PDE8B: variants seen among roughly 807,000 people sequenced by gnomAD.
PDE8B encodes the protein high affinity cAMP-specific and IBMX-insensitive 3',5'-cyclic phosphodiesterase 8B.
Under a neutral mutation model 101.3 loss-of-function variants are expected in PDE8B, and 26 were observed. The ratio of observed to expected loss-of-function variants is 0.26; its 90% CI spans 0.19 to 0.36. The LOEUF is 0.36. PDE8B is among the 10% of genes least tolerant of loss of function. PDE8B has a pLI of 1.00. For synonymous variants in PDE8B, 424 were observed against 429.3 expected (o/e 0.99, Z 0.15); for missense variants, 810 against 1,163.1 (o/e 0.70, Z 4.42).
chr5:77,426,742 T>C lies in PDE8B; in HGVS notation c.*188T>C. ...GAAAGTTATGTTCCATGAAGAAAAA[T>C]ATATGTTCTTTTGAATACTTAATGA... On this transcript the variant is annotated 3_prime_UTR_variant, in exon 22 of 22. Transcript: ENST00000264917. The C allele has an allele frequency of 3.3e-6, 2 of 613,140 alleles. No homozygotes were observed. Among genetic ancestry groups the C allele is most frequent in the South Asian group, 1.9e-5 (1 of 52,946 alleles). The allele number at this position is 613,140 out of a possible 1,614,324, so 38.0% of individuals were successfully genotyped here.
At chr5:77,097,653 A>G in the PDE8B span, among the ~76,000 whole-genome samples, 3 of 112,470 alleles carry the variant, frequency 2.7e-5, no homozygotes, top group Non-Finnish European at 5.8e-5. Context: ...GGCTATTCCA[A>G]TTGTCTATCA....
chr5:77,298,672 A>G (rs971620446), intron 1 of PDE8B, among the ~76,000 whole-genome samples: 2 of 152,202 alleles, frequency 1.3e-5, no homozygotes, highest in African/African-American at 2.4e-5. Context: ...CACCATTCCC[A>G]GGGCTGTATT....
chr5:77,276,883 T>C (rs564019549), intron 1 of PDE8B, among the ~76,000 whole-genome samples: 1 of 152,270 alleles, frequency 6.6e-6, no homozygotes, highest in African/African-American at 2.4e-5. Context: ...AAAATTTACA[T>C]TTTGGTTTTT....
chr5:77,218,527 G>A (rs1162951588), intron 1 of PDE8B, among the ~76,000 whole-genome samples: 1 of 152,198 alleles, frequency 6.6e-6, no homozygotes, highest in Non-Finnish European at 1.5e-5. Context: ...AAGTGTGGCT[G>A]GTCCTGGAAC....
At chr5:77,225,873 CA>C (rs1561374935) in intron 1 of PDE8B, among the ~76,000 whole-genome samples, 1 of 143,670 alleles carries the variant, frequency 7.0e-6, no homozygotes, top group African/African-American at 2.7e-5. Context: ...CACACACACA[CA>C]CACACACCCC....
chr5:77,414,035 C>G (rs1795057848), intron 17 of PDE8B, among the ~76,000 whole-genome samples: 1 of 152,118 alleles, frequency 6.6e-6, no homozygotes, highest in African/African-American at 2.4e-5. Context: ...TTTAAATACC[C>G]CTGGGAGAAG....
chr5:77,195,976 T>C, the PDE8B span, among the ~76,000 whole-genome samples: 21 of 152,280 alleles, frequency 1.4e-4, no homozygotes, highest in Middle Eastern at 3.4e-3. Context: ...TCAACTGTAG[T>C]TTTCAATTCA....
intron 21 of PDE8B, 31 bp from the exon 22 acceptor site, chr5:77,426,414 G>T (rs16874258): frequency 1.4e-6 from 2 of 1,445,318 alleles, no homozygotes; most frequent in South Asian, 1.1e-5. Context: ...TAAGTTCACC[G>T]GTTTCTTTTG....
chr5:77,175,493 A>G, the PDE8B span, among the ~76,000 whole-genome samples: 1 of 152,168 alleles, frequency 6.6e-6, no homozygotes, highest in Admixed American at 6.5e-5. Flanking sequence ...GCCAGTTTAA[A>G]CATCCCCTCC....
At chr5:77,313,780 T>A (rs1199813456) in intron 2 of PDE8B, among the ~76,000 whole-genome samples, 1 of 152,194 alleles carries the variant, frequency 6.6e-6, no homozygotes, top group Admixed American at 6.5e-5. Flanking sequence ...TTTAAGCCCT[T>A]TATTTATCCC....
chr5:77,374,436 C>A (rs1310063518), intron 10 of PDE8B, among the ~76,000 whole-genome samples: 1 of 151,414 alleles, frequency 6.6e-6, no homozygotes, highest in Non-Finnish European at 1.5e-5. Context: ...TTTTTATTTT[C>A]TTTTATATAG....
chr5:77,290,233 A>G (rs1293098153), intron 1 of PDE8B: 15 of 1,546,820 alleles, frequency 9.7e-6, no homozygotes, highest in Non-Finnish European at 1.3e-5. Context: ...AAGACCAGCA[A>G]GCTCCTTGGA....
the PDE8B span, among the ~76,000 whole-genome samples, chr5:77,135,455 A>C: frequency 1.3e-5 from 2 of 151,890 alleles, no homozygotes; most frequent in Non-Finnish European, 2.9e-5. Context: ...GAGGGACTCA[A>C]GACTTTCAGC....
chr5:77,316,480 C>A (rs1383373535), intron 2 of PDE8B, among the ~76,000 whole-genome samples: 1 of 152,180 alleles, frequency 6.6e-6, no homozygotes, highest in Non-Finnish European at 1.5e-5. Context: ...GATTTGCCTA[C>A]CTTGGCCTCC....
At chr5:77,196,270 T>C in the PDE8B span, among the ~76,000 whole-genome samples, 1 of 152,200 alleles carries the variant, frequency 6.6e-6, no homozygotes, top group Admixed American at 6.5e-5. Flanking sequence ...ACAAAAACTT[T>C]TTAATTTTGA....
intron 16 of PDE8B, among the ~76,000 whole-genome samples, 176 bp from the exon 17 acceptor site, chr5:77,412,935 T>G (rs1419234181): frequency 1.3e-5 from 2 of 151,962 alleles, no homozygotes; most frequent in African/African-American, 4.8e-5. Context: ...TCCAAAGAGG[T>G]GACTGGTGAG....
At chr5:77,360,061 A>G (rs1049867257) in intron 10 of PDE8B, among the ~76,000 whole-genome samples, 4 of 151,728 alleles carry the variant, frequency 2.6e-5, no homozygotes, top group Non-Finnish European at 5.9e-5. Flanking sequence ...GCTGCACTCC[A>G]GCCTGGGTGA....
chr5:77,302,807 C>G (rs1367929617), intron 1 of PDE8B, among the ~76,000 whole-genome samples: 1 of 152,156 alleles, frequency 6.6e-6, no homozygotes, highest in Non-Finnish European at 1.5e-5. Flanking sequence ...ACCTCTTAAG[C>G]CATAGAAAGG....
the PDE8B span, among the ~76,000 whole-genome samples, chr5:77,122,698 C>T: frequency 6.6e-6 from 1 of 152,198 alleles, no homozygotes; most frequent in East Asian, 1.9e-4. Flanking sequence ...TCATTACCAA[C>T]AGGTCGTTCT....
Sources: gnomAD v4.1 joint callset for allele counts (sites outside exome capture counted in the v4.1 genomes callset) on GRCh38, gnomAD v4.1.1 for gene constraint, MANE v1.5 for transcripts, NCBI Gene and HGNC (gene_info 2026-07-23, HGNC 2026-07-21) for gene names.